The following SDSL variants were observed in gnomAD, a reference collection of about 807,000 sequenced individuals.
SDSL encodes serine dehydratase like, also known as serine dehydratase-like.
A neutral mutation model predicts 27.6 loss-of-function variants in SDSL; 26 were observed. The ratio of observed to expected loss-of-function variants is 0.94; its 90% CI spans 0.69 to 1.31. The LOEUF (loss-of-function observed/expected upper bound fraction) is 1.31. Among genes scored for constraint, SDSL ranks in the 50% most tolerant of loss-of-function variants. SDSL has a pLI of 0.00. For missense variants in SDSL, 431 were observed against 423.5 expected, an observed-to-expected ratio of 1.02 and a Z score of -0.16; for synonymous variants, 196 against 180.6, an observed-to-expected ratio of 1.09 and a Z score of -0.69.
At chr12:113,424,677 C>T (rs1957827675) in intron 1 of SDSL, among the ~76,000 whole-genome samples, 1 of 151,946 alleles carries the variant, frequency 6.6e-6, no homozygotes, top group Admixed American at 6.5e-5. Flanking sequence ...CTCCAGAGGA[C>T]TCAGCTGATG....
intron 4 of SDSL, among the ~76,000 whole-genome samples, chr12:113,430,760 A>AAAAT (rs965239868): frequency 1.3e-5 from 2 of 152,206 alleles, no homozygotes; most frequent in Admixed American, 6.5e-5. Flanking sequence ...TGGCAAAAAT[A>AAAAT]AAATAAATAA....
chr12:113,431,331 T>C (rs981125329), intron 4 of SDSL, among the ~76,000 whole-genome samples: 4 of 152,136 alleles, frequency 2.6e-5, no homozygotes, highest in African/African-American at 9.7e-5. Flanking sequence ...AGGGACCTGG[T>C]TGGATTTTCA....
rs1183389304 is a variant in SDSL at position 113,429,156 on chromosome 12, A to G, written c.215-4A>G. 1 of 1,611,298 alleles carries G rather than the reference A, an allele frequency of 6.2e-7. No individual in the cohort carries two copies. The highest frequency in any genetic ancestry group is 1.1e-5 in the South Asian group (1 of 90,916). Reference sequence around the variant, plus strand: ...CCACTGCCCCTTTCCTCCTTTCTGCACAGGGGGTAATGCGGGCATCGCTGC... The same window carrying G: ...CCACTGCCCCTTTCCTCCTTTCTGCGCAGGGGGTAATGCGGGCATCGCTGC... On this transcript the variant is annotated splice_polypyrimidine_tract_variant and splice_region_variant and intron_variant, in intron 3 of 7. Transcript: ENST00000403593.
intron 6 of SDSL, 33 bp from the exon 7 acceptor site, chr12:113,436,717 TG>T (rs1407091612): frequency 6.5e-7 from 1 of 1,546,066 alleles, no homozygotes; most frequent in African/African-American, 1.4e-5. Flanking sequence ...CCTGAGCCCC[TG>T]GTCTCCCTGC....
At chr12:113,437,354 G>A (rs1050466126) in intron 7 of SDSL, among the ~76,000 whole-genome samples, 3 of 152,240 alleles carry the variant, frequency 2.0e-5, no homozygotes, top group African/African-American at 7.2e-5. Flanking sequence ...ATGGCAGGTA[G>A]TAGGCACTCA....
intron 1 of SDSL, among the ~76,000 whole-genome samples, chr12:113,425,500 A>T (rs558808962): frequency 3.9e-5 from 6 of 152,192 alleles, no homozygotes; most frequent in Non-Finnish European, 7.4e-5. Context: ...GTGAGTGGGC[A>T]GGGGAAGTTG....
chr12:113,437,508 A>G lies in SDSL; in HGVS notation c.797-378A>G, dbSNP rs552686785. ...GGTATAGAAATGAATGAATGGACAG[A>G]CACATTGATTAATGAACATGTTGAT... is the stretch of plus-strand genomic sequence containing the variant. On this transcript the variant is annotated intron_variant, in intron 7 of 7. Coordinates refer to ENST00000403593, the MANE Select transcript of SDSL (RefSeq NM_001304993.2). 1.6e-4 allele frequency among the ~76,000 whole-genome samples: 25 copies of G among 152,308 alleles called. 1 individual carries two copies. The South Asian group carries it at 5.2e-3, about 32-fold the overall frequency.
chr12:113,427,888 C>CT, intron 1 of SDSL, 74 bp from the exon 2 acceptor site: 1 of 1,387,628 alleles, frequency 7.2e-7, no homozygotes, highest in Non-Finnish European at 9.7e-7. Context: ...CTTTCTCCAC[C>CT]TTCCCCTCCC....
At chr12:113,437,033 G>C in intron 7 of SDSL, 158 bp downstream of exon 7, 1 of 641,920 alleles carries the variant, frequency 1.6e-6, no homozygotes, top group Non-Finnish European at 2.4e-6. Context: ...ATGGAAGGGG[G>C]TGAGGATAAA....
At chr12:113,432,624 G>GC (rs1366565316) in intron 4 of SDSL, among the ~76,000 whole-genome samples, 1 of 152,096 alleles carries the variant, frequency 6.6e-6, no homozygotes, top group Non-Finnish European at 1.5e-5. Context: ...ACAGGCGTGA[G>GC]CCACTGCGCC....
chr12:113,432,209 C>CTTCTTTCTTTCT (rs71086169), intron 4 of SDSL, among the ~76,000 whole-genome samples: 1 of 102,594 alleles, frequency 9.7e-6, no homozygotes, highest in African/African-American at 4.0e-5. Context: ...TGTTTGTTTG[C>CTTCTTTCTTTCT]TTCTTTCTTT....
chr12:113,428,322 G>A (rs143376928), intron 2 of SDSL, 98 bp from the exon 3 acceptor site: 80 of 1,346,168 alleles, frequency 5.9e-5, no homozygotes, highest in African/African-American at 2.6e-4. Context: ...GGGTAAAGGC[G>A]TATTGGGAGT....
chr12:113,427,086 AT>A (rs1218078095), intron 1 of SDSL: 2 of 152,370 alleles, frequency 1.3e-5, no homozygotes, highest in African/African-American at 4.8e-5. Context: ...CCATGAGTTG[AT>A]TGCTGAAGCT....
chr12:113,436,753 T>C lies in SDSL; in HGVS notation c.674T>C (p.Val225Ala). Residue 225 changes from valine (V) to alanine (A), a missense_variant and splice_region_variant, in exon 7 of 8, where the codon GTG (valine) becomes GCG (alanine). Coordinates refer to ENST00000403593, the MANE Select transcript of SDSL (RefSeq NM_001304993.2). ...KLVTLPDITS[V>A]AKSLGAKTVA... Reference sequence around the variant, plus strand: ...CCCCACCCTGCTCTATCCTGCAGTGTGGCCAAGAGCCTGGGTGCCAAGACG... The same window carrying C: ...CCCCACCCTGCTCTATCCTGCAGTGCGGCCAAGAGCCTGGGTGCCAAGACG... 1 of 1,606,068 alleles carries C rather than the reference T, an allele frequency of 6.2e-7. No individual in the cohort carries two copies. Among genetic ancestry groups the C allele is most frequent in the Non-Finnish European group, 8.5e-7 (1 of 1,178,322 alleles).
intron 4 of SDSL, among the ~76,000 whole-genome samples, chr12:113,430,615 C>G (rs1011309709): frequency 7.9e-5 from 12 of 152,124 alleles, no homozygotes; most frequent in Non-Finnish European, 1.6e-4. Context: ...GCTCTTAAGA[C>G]CTCAGCCCAG....
At chr12:113,434,976 G>A (rs1957970428) in intron 5 of SDSL, among the ~76,000 whole-genome samples, 1 of 152,166 alleles carries the variant, frequency 6.6e-6, no homozygotes, top group Non-Finnish European at 1.5e-5. Flanking sequence ...TTAGCTGGGC[G>A]TGGTGGTGCG....
intron 4 of SDSL, among the ~76,000 whole-genome samples, chr12:113,432,646 T>C (rs1286203519): frequency 6.6e-6 from 1 of 152,136 alleles, no homozygotes; most frequent in Admixed American, 6.5e-5. Flanking sequence ...AGCTGACAGG[T>C]ATTTTTCAAC....
intron 1 of SDSL, among the ~76,000 whole-genome samples, chr12:113,424,773 T>A (rs932085748): frequency 6.6e-6 from 1 of 152,020 alleles, no homozygotes; most frequent in Non-Finnish European, 1.5e-5. Context: ...TCTCACTCTG[T>A]TGCCCAGGCT....
In SDSL at chr12:113,438,061, C is replaced by A. The variant is rs766142595; in HGVS notation, c.972C>A (p.Thr324=). The change falls in exon 8 of 8, where the codon ACC becomes ACA. Residue 324 remains threonine, a synonymous_variant. Transcript: ENST00000403593. ...INSRELQALK[T]HLGQV is the part of the protein sequence containing the mutation. ...GCCGAGAGCTGCAGGCTTTGAAAAC[C>A]CACCTGGGCCAGGTCTGAGGGGTCC... 1 of 1,613,834 alleles carries A rather than the reference C, an allele frequency of 6.2e-7. No homozygotes were observed. Among genetic ancestry groups the A allele is most frequent in the Admixed American group, 1.7e-5 (1 of 59,982 alleles).
Sources: gnomAD v4.1 joint callset for allele counts (sites outside exome capture counted in the v4.1 genomes callset) on GRCh38, gnomAD v4.1.1 for gene constraint, MANE v1.5 for transcripts, NCBI Gene and HGNC (gene_info 2026-07-23, HGNC 2026-07-21) for gene names.